MIB2: variants seen among roughly 807,000 people sequenced by gnomAD.
MIB2 encodes the protein MIB E3 ubiquitin protein ligase 2.
Under a neutral mutation model 96.6 loss-of-function variants are expected in MIB2, and 78 were observed. That is an observed-to-expected ratio of 0.81 (90% CI 0.67 to 0.97). The LOEUF (loss-of-function observed/expected upper bound fraction) is 0.97. Ranked by LOEUF, MIB2 falls within the 50% of genes least tolerant of loss-of-function variation. MIB2 has a pLI of 0.00. For synonymous variants in MIB2, 820 were observed against 629.5 expected (o/e 1.30, Z -4.53); for missense variants, 1,543 against 1,424.0 (o/e 1.08, Z -1.35).
chr1:1,629,294 C>A lies in MIB2; in HGVS notation c.2364C>A (p.Gly788=). ...GTCGCGTGCTCAAGGCCCTTCAGGG[C>A]TGCGCCCAGCGCTTCCGGTGAGTCC... The part of the protein sequence containing the change: ...AEGRVLKALQ[G]CAQRFRERQA... The change falls in exon 17 of 20, where the codon GGC becomes GGA. Residue 788 remains glycine (G), a synonymous_variant. Transcript: ENST00000355826. The A allele has an allele frequency of 6.6e-7, 1 of 1,513,830 alleles. No individual in the cohort carries two copies. The highest frequency in any genetic ancestry group is 8.7e-7 in the Non-Finnish European group (1 of 1,146,064). 93.8% of individuals were successfully genotyped at this position (1,513,830 alleles called of 1,614,324 possible).
chr1:1,627,485 T>C, intron 12 of MIB2, 41 bp downstream of exon 12: 1 of 1,556,392 alleles, frequency 6.4e-7, no homozygotes, highest in Non-Finnish European at 8.6e-7. Flanking sequence ...GCTGAGCCTG[T>C]GCGTCCTGGG....
upstream of MIB2, chr1:1,613,784 T>A (rs1365264062): frequency 6.6e-6 from 1 of 152,162 alleles, no homozygotes; most frequent in Non-Finnish European, 1.5e-5. Context: ...GATTTTATTT[T>A]TCGTTTACAC....
intron 14 of MIB2, 23 bp downstream of exon 14, chr1:1,628,202 G>A (rs2100548304): frequency 6.2e-7 from 1 of 1,612,376 alleles, no homozygotes; most frequent in Middle Eastern, 1.7e-4. Flanking sequence ...TGGGCACACA[G>A]CTGCAGCCGG....
intron 4 of MIB2, 91 bp from the exon 5 acceptor site, chr1:1,624,704 C>A: frequency 8.2e-7 from 1 of 1,215,246 alleles, no homozygotes; most frequent in Non-Finnish European, 1.2e-6. Context: ...GGACAGGGGG[C>A]CTGCTCCACT....
chr1:1,616,697 C>A (rs2100298937), intron 2 of MIB2, 83 bp downstream of exon 2: 1 of 1,124,688 alleles, frequency 8.9e-7, no homozygotes, highest in Non-Finnish European at 1.3e-6. Context: ...GTCAGAGAGG[C>A]TGTGTTTGTG....
rs749724347 is a variant in MIB2, at chr1:1,626,657, C to G, written c.980C>G (p.Ser327Cys). 3 of 1,574,804 alleles carry G rather than the reference C, an allele frequency of 1.9e-6. No homozygotes were observed. The highest frequency in any genetic ancestry group is 1.8e-5 in the Admixed American group (1 of 55,456). ...FHPGALTKHH[S>C]FWVGDVVRVI... ...CCCCTCTTTGTCGCTCAGCACCACTCCTTCTGGGTGGGCGACGTGGTCCGG... is the reference window on the plus strand; with the variant it reads ...CCCCTCTTTGTCGCTCAGCACCACTGCTTCTGGGTGGGCGACGTGGTCCGG... The change falls in exon 9 of 20, where the codon TCC (serine) becomes TGC (cysteine). Residue 327 changes from serine (S) to cysteine (C), a missense_variant. Ser to Cys is a moderately radical substitution (Grantham distance 112). Coordinates refer to ENST00000355826, the MANE Select transcript of MIB2 (RefSeq NM_001170687.4). The surrounding 1 kb of genome is among the most constrained non-coding windows in gnomAD (Gnocchi z 5.3).
At chr1:1,622,928 T>G (rs1460146421) in intron 2 of MIB2, among the ~76,000 whole-genome samples, 2 of 152,190 alleles carry the variant, frequency 1.3e-5, no homozygotes, top group Admixed American at 1.3e-4. Flanking sequence ...TTGGGTTGTC[T>G]GACGTTTTCG....
At chr1:1,615,957 G>T in intron 1 of MIB2, 2 of 986,602 alleles carry the variant, frequency 2.0e-6, no homozygotes, top group African/African-American at 3.5e-5. Context: ...AGGCGCTCTG[G>T]CCTGGCCTGG....
At chr1:1,627,231 C>G (rs925074639) in intron 11 of MIB2, 24 bp downstream of exon 11, 1 of 1,611,682 alleles carries the variant, frequency 6.2e-7, no homozygotes, top group Non-Finnish European at 8.5e-7. Flanking sequence ...CCCGTCCTCC[C>G]ATACTGGCCA....
chr1:1,628,067 G>A lies in MIB2; in HGVS notation c.1729G>A (p.Gly577Arg), dbSNP rs1442394134. Residue 577 changes from glycine to arginine, a missense_variant, in exon 14 of 20, where the codon GGA (glycine) becomes AGA (arginine). Coordinates refer to ENST00000355826, the MANE Select transcript of MIB2 (RefSeq NM_001170687.4). ...GCACTCCGCCATCTCGGCGGGCACT[G>A]GAGCCAGCGGCATTGTCGAGGTCCT... ...PLHSAISAGT[G>R]ASGIVEVLTE... 1 of 1,613,186 alleles carries A rather than the reference G, an allele frequency of 6.2e-7. No individual in the cohort carries two copies. The highest frequency in any genetic ancestry group is 1.7e-5 in the Admixed American group (1 of 60,020).
In MIB2 at chr1:1,628,639, G is replaced by A. The variant is rs963839924; in HGVS notation, c.2119G>A (p.Val707Met). The A allele has an allele frequency of 6.3e-7, 1 of 1,595,494 alleles. No homozygotes were observed. Among genetic ancestry groups the A allele is most frequent in the Non-Finnish European group, 8.5e-7 (1 of 1,174,516 alleles). ...EDEEGDTALH[V>M]ALQRHQLLPL... ...CGAGGAGGGGGACACAGCCCTGCAC[G>A]TGGCGCTGCAGCGTCATCAGCTGCT... Residue 707 changes from valine (V) to methionine (M), a missense_variant, in exon 16 of 20, where the codon GTG (valine) becomes ATG (methionine). Val to Met is a conservative substitution (Grantham distance 21). Transcript: ENST00000355826.
chr1:1,618,771 G>A (rs1643978556), intron 2 of MIB2: 1 of 152,284 alleles, frequency 6.6e-6, no homozygotes, highest in African/African-American at 2.4e-5. Context: ...CAGGCCCCTC[G>A]ATGCTGGGCT....
At chr1:1,617,024 C>T (rs1214477456) in intron 2 of MIB2, 7 of 203,404 alleles carry the variant, frequency 3.4e-5, no homozygotes. Flanking sequence ...AGGTCTCCAC[C>T]CAGATGGGCA....
chr1:1,616,763 G>C (rs1643752704), intron 2 of MIB2, 149 bp downstream of exon 2: 3 of 627,532 alleles, frequency 4.8e-6, no homozygotes, highest in Non-Finnish European at 8.2e-6. Context: ...TCTCCTCTCT[G>C]AGTTCGGAAC....
At chr1:1,629,734 C>G in intron 19 of MIB2, 30 bp downstream of exon 19, 2 of 1,552,124 alleles carry the variant, frequency 1.3e-6, no homozygotes, top group Non-Finnish European at 1.7e-6. Flanking sequence ...CCCAACACGC[C>G]TCCTGCTCAG....
In MIB2 at chr1:1,628,385, A is replaced by C. The variant is rs1645018734; in HGVS notation, c.1954A>C (p.Ile652Leu). ...CAACAACCACCGCGAGGTGGCCCAGATCCTCATCCGGGAGGTGCGGACGCG... is the reference window on the plus strand; with the variant it reads ...CAACAACCACCGCGAGGTGGCCCAGCTCCTCATCCGGGAGGTGCGGACGCG... ...ALNNHREVAQ[I>L]LIREGRCDVN... Residue 652 changes from isoleucine to leucine, a missense_variant, in exon 15 of 20, where the codon ATC (isoleucine) becomes CTC (leucine). Physicochemically the swap from Ile to Leu is conservative, Grantham distance 5. Coordinates refer to ENST00000355826, the MANE Select transcript of MIB2 (RefSeq NM_001170687.4). 1 of 1,612,306 alleles carries C rather than the reference A, an allele frequency of 6.2e-7. No individual in the cohort carries two copies.
At chr1:1,628,965 C>T (rs1414857392) in intron 16 of MIB2, 168 bp from the exon 17 acceptor site, 1 of 771,298 alleles carries the variant, frequency 1.3e-6, no homozygotes, top group East Asian at 3.0e-5. Context: ...TCAGAGCTCA[C>T]CTAGCAGGGC....
Position 1,625,223 on chromosome 1 carries a change from C to T in MIB2, c.721+38C>T, listed in dbSNP as rs1644629557. On this transcript the variant is annotated intron_variant, in intron 6 of 19. Coordinates refer to ENST00000355826, the MANE Select transcript of MIB2 (RefSeq NM_001170687.4). This position sits in a 1 kb window ranked among gnomAD's most constrained non-coding sequence, Gnocchi z 5.0. ...CACACTGACTCCATCAGCCCTCCTGCCTTGGCTGAAGTCCCAGAGGGGAGG... is the reference window on the plus strand; with the variant it reads ...CACACTGACTCCATCAGCCCTCCTGTCTTGGCTGAAGTCCCAGAGGGGAGG... The T allele has an allele frequency of 3.7e-6, 6 of 1,602,724 alleles. No homozygotes were observed. The highest frequency in any genetic ancestry group is 2.2e-5 in the South Asian group (2 of 90,644).
Position 1,627,999 on chromosome 1 carries a change from CACT to C in MIB2, c.1681-19_1681-17del. ...CAAGCAGAAGTCACCCCCAGGTGAC[CACT>C]GACTCCGCCCCAGCAGGACGCCCAC... On this transcript the variant is annotated splice_polypyrimidine_tract_variant and intron_variant, in intron 13 of 19. Coordinates refer to ENST00000355826, the MANE Select transcript of MIB2 (RefSeq NM_001170687.4). 6.2e-7 allele frequency: 1 copy of C among 1,611,656 alleles called. No individual in the cohort carries two copies. Among genetic ancestry groups the C allele is most frequent in the Non-Finnish European group, 8.5e-7 (1 of 1,179,130 alleles).
Sources: gnomAD v4.1 joint callset for allele counts (sites outside exome capture counted in the v4.1 genomes callset) on GRCh38, gnomAD v4.1.1 for gene constraint, Gnocchi (gnomAD v3.1) non-coding constraint, MANE v1.5 for transcripts, NCBI Gene and HGNC (gene_info 2026-07-23, HGNC 2026-07-21) for gene names.